The following SPARC variants were observed in gnomAD, a reference collection of about 807,000 sequenced individuals.
The protein encoded by SPARC is basement-membrane protein 40.
Under a neutral mutation model 37.7 loss-of-function variants are expected in SPARC, and 23 were observed. The ratio of observed to expected loss-of-function variants is 0.61; its 90% CI spans 0.44 to 0.87. The LOEUF (loss-of-function observed/expected upper bound fraction) is 0.87, where lower values mean the gene tolerates loss of function less well. Ranked by LOEUF, SPARC falls within the 40% of genes least tolerant of loss-of-function variation. The pLI is 0.00. For missense variants in SPARC, 312 were observed against 389.0 expected, an observed-to-expected ratio of 0.80 and a Z score of 1.66; for synonymous variants, 155 against 150.8, an observed-to-expected ratio of 1.03 and a Z score of -0.20.
At chr5:151,672,201 C>T (rs985399160) in intron 4 of SPARC, among the ~76,000 whole-genome samples, 2 of 152,118 alleles carry the variant, frequency 1.3e-5, no homozygotes, top group Admixed American at 6.5e-5. Context: ...TGGTAAACAC[C>T]GGATGAGGTG....
rs1056606241 is a variant in SPARC, at chr5:151,667,890, T to C, written c.452-290A>G. Among the ~76,000 whole-genome samples the C allele has an allele frequency of 2.4e-4, 37 of 152,234 alleles. 1 individual carries two copies. Among genetic ancestry groups the C allele is most frequent in the Non-Finnish European group, 1.9e-4 (13 of 68,038 alleles). On this transcript the variant is annotated intron_variant, in intron 6 of 9. Transcript: ENST00000231061. ...CTTACTGGGTGCTGGGCTTTGGGTG[T>C]GATCCTAGCTGAGACTGAGCCCATG... is the stretch of plus-strand genomic sequence containing the variant.
At chr5:151,668,359 C>T (rs1162545071) in intron 6 of SPARC, among the ~76,000 whole-genome samples, 1 of 152,026 alleles carries the variant, frequency 6.6e-6, no homozygotes, top group Non-Finnish European at 1.5e-5. Context: ...TGCCACGTTG[C>T]CCAGACTGGT....
chr5:151,680,027 T>C (rs1760948886), intron 1 of SPARC, among the ~76,000 whole-genome samples: 2 of 152,156 alleles, frequency 1.3e-5, no homozygotes, highest in African/African-American at 4.8e-5. Context: ...TGATAGCTAC[T>C]GGTTACAAGT....
chr5:151,672,450 A>G (rs1023798135), intron 4 of SPARC: 3 of 152,450 alleles, frequency 2.0e-5, no homozygotes, highest in African/African-American at 7.2e-5. Context: ...TCAGCCCCAT[A>G]TGAGAGATGA....
intron 5 of SPARC, 134 bp downstream of exon 5, chr5:151,671,439 G>A: frequency 9.4e-7 from 1 of 1,064,662 alleles, no homozygotes; most frequent in Non-Finnish European, 1.3e-6. Context: ...TTCCTGCTGG[G>A]ACTAGGTCTA....
chr5:151,663,651 C>T (rs77497502), intron 9 of SPARC, 52 bp from the exon 10 acceptor site: 12 of 1,598,922 alleles, frequency 7.5e-6, no homozygotes, highest in Non-Finnish European at 1.0e-5. Flanking sequence ...TCGATGATAA[C>T]GCACTTCCCA....
intron 6 of SPARC, among the ~76,000 whole-genome samples, chr5:151,668,936 G>A (rs1293861116): frequency 1.3e-5 from 2 of 152,144 alleles, no homozygotes; most frequent in Non-Finnish European, 2.9e-5. Context: ...GCCATCGGGT[G>A]CCAGAATACA....
At chr5:151,684,264 G>T (rs542674835) in intron 1 of SPARC, among the ~76,000 whole-genome samples, 1 of 152,110 alleles carries the variant, frequency 6.6e-6, no homozygotes, top group Admixed American at 6.5e-5. Flanking sequence ...GAATAAAAGC[G>T]GTATCTGGGA....
At chr5:151,670,384 TG>T (rs1760722896) in intron 5 of SPARC, among the ~76,000 whole-genome samples, 2 of 152,334 alleles carry the variant, frequency 1.3e-5, no homozygotes, top group South Asian at 4.1e-4. Flanking sequence ...ATTAAAACTT[TG>T]GGTGCTGAGT....
chr5:151,666,602 C>A, intron 7 of SPARC, 93 bp from the exon 8 acceptor site: 1 of 1,193,570 alleles, frequency 8.4e-7, no homozygotes, highest in Non-Finnish European at 1.2e-6. Flanking sequence ...CCAGAGCAGG[C>A]AGAGACTAGC....
intron 1 of SPARC, among the ~76,000 whole-genome samples, chr5:151,679,996 C>G (rs946956063): frequency 7.2e-5 from 11 of 152,162 alleles, no homozygotes; most frequent in Admixed American, 5.9e-4. Context: ...TGAACACATT[C>G]TATATCTACG....
At chr5:151,667,020 C>T (rs139939364) in intron 7 of SPARC, among the ~76,000 whole-genome samples, 1 of 152,224 alleles carries the variant, frequency 6.6e-6, no homozygotes, top group African/African-American at 2.4e-5. Flanking sequence ...GAGACTTTGC[C>T]TCAAAAAAAT....
intron 1 of SPARC, among the ~76,000 whole-genome samples, chr5:151,684,680 C>T (rs188407749): frequency 9.2e-5 from 14 of 152,052 alleles, no homozygotes; most frequent in African/African-American, 3.4e-4. Context: ...TTCTAAAACC[C>T]TTTGCATTAT....
intron 2 of SPARC, among the ~76,000 whole-genome samples, chr5:151,675,232 C>A (rs2163768): frequency 2.0e-5 from 3 of 152,310 alleles, no homozygotes; most frequent in South Asian, 2.1e-4. Flanking sequence ...CATCTACCAG[C>A]CTGATCAAGA....
chr5:151,661,939 T>G lies in SPARC; in HGVS notation c.*1632A>C, dbSNP rs1383705336. 6.6e-6 allele frequency: 1 copy of G among 152,234 alleles called. No individual in the cohort carries two copies. The highest frequency in any genetic ancestry group is 1.5e-5 in the Non-Finnish European group (1 of 68,054). 9.4% of individuals were successfully genotyped at this position (152,234 alleles called of 1,614,324 possible). A position where few individuals can be genotyped will look rare whatever the true frequency, so the allele number is the denominator to read the frequency against. On this transcript the variant is annotated 3_prime_UTR_variant, in exon 10 of 10. Transcript: ENST00000231061. ...TACACATACTCATGGTCTCTCCTAC[T>G]CTCCCTTCATCACACCTGTGACATC... is the stretch of plus-strand genomic sequence containing the variant.
Position 151,669,785 on chromosome 5 carries a change from C to T in SPARC, c.331-1G>A. 6.2e-7 allele frequency: 1 copy of T among 1,614,142 alleles called. No individual in the cohort carries two copies. Among genetic ancestry groups the T allele is most frequent in the South Asian group, 1.1e-5 (1 of 91,080 alleles). ...AGGTCTTGTTGTCATTGCTGCACAC[C>T]TGTTGGCAAAGCACAGAGTACCCCC... On this transcript the variant is annotated splice_acceptor_variant, in intron 5 of 9. Transcript: ENST00000231061. LOFTEE classifies it high-confidence loss of function.
intron 6 of SPARC, among the ~76,000 whole-genome samples, chr5:151,669,317 C>T (rs1198963821): frequency 6.6e-6 from 1 of 152,164 alleles, no homozygotes; most frequent in Non-Finnish European, 1.5e-5. Context: ...TTTTGCTTTA[C>T]AGTGTTGAAG....
In SPARC at chr5:151,669,774, T is replaced by C. The variant is rs769263605; in HGVS notation, c.341A>G (p.Asn114Ser). The change falls in exon 6 of 10, where the codon AAT becomes AGT. Residue 114 changes from asparagine (N) to serine (S), a missense_variant. Asn to Ser is a conservative substitution (Grantham distance 46, BLOSUM62 1). Transcript: ENST00000231061. The part of the protein sequence containing the change: ...PIGEFEKVCS[N>S]DNKTFDSSCH... ...GGAAGAGTCGAAGGTCTTGTTGTCA[T>C]TGCTGCACACCTGTTGGCAAAGCAC... 1 of 1,614,206 alleles carries C rather than the reference T, an allele frequency of 6.2e-7. No homozygotes were observed. Among genetic ancestry groups the C allele is most frequent in the Admixed American group, 1.7e-5 (1 of 60,028 alleles).
chr5:151,672,892 GAA>G, intron 4 of SPARC: 1 of 527,420 alleles, frequency 1.9e-6, no homozygotes, highest in South Asian at 2.3e-5. Context: ...TCCAGCTGGA[GAA>G]CTCTCCTTCC....
Sources: allele counts gnomAD v4.1 joint callset (sites outside exome capture counted in the v4.1 genomes callset), GRCh38; gene constraint gnomAD v4.1.1; transcripts MANE v1.5; gene names NCBI Gene and HGNC (gene_info 2026-07-23, HGNC 2026-07-21).